Variants in RCCD1 observed in about 807,000 individuals in gnomAD.
RCCD1 encodes the protein RCC1 domain-containing protein 1.
A neutral mutation model predicts 37.6 loss-of-function variants in RCCD1; 40 were observed. That is an observed-to-expected ratio of 1.06 (90% CI 0.83 to 1.39). RCCD1 has a LOEUF of 1.39. RCCD1 is among the 40% of genes most tolerant of loss of function. RCCD1 has a pLI of 0.00. For missense variants in RCCD1, 577 were observed against 517.3 expected (o/e 1.12, Z -1.12); for synonymous variants, 263 against 230.0 (o/e 1.14, Z -1.30).
rs115486220 is a variant in RCCD1 at position 90,958,768 on chromosome 15, C to T, written c.679+1043C>T. Among the ~76,000 whole-genome samples the T allele has an allele frequency of 3.7e-3, 554 of 149,668 alleles. 4 individuals are homozygous for T. Among genetic ancestry groups the T allele is most frequent in the African/African-American group, 0.013 (515 of 40,714 alleles). On this transcript the variant is annotated intron_variant, in intron 4 of 7. Transcript: ENST00000394258. ...AACGTGGCAAAACCTCGTCTTTGTA[C>T]AAAAAATATAAAAATGAGCTGGGCG...
rs1867220 is a variant in RCCD1, at chr15:90,960,522, T to A, written c.949+24T>A. 5.7e-6 allele frequency: 9 copies of A among 1,592,568 alleles called. No individual in the cohort carries two copies. In the African/African-American group the frequency reaches 6.7e-5, roughly 12 times the overall value. On this transcript the variant is annotated intron_variant, in intron 6 of 7. Coordinates refer to ENST00000394258, the MANE Select transcript of RCCD1 (RefSeq NM_001017919.2). ...ACGTGAGTGGGGCTGGGAGGCACTC[T>A]GCTCCACTCGAGCTGGTGCCTACGG...
chr15:90,961,028 CA>C lies in RCCD1; in HGVS notation c.954del (p.Glu320SerfsTer31), dbSNP rs1567169783. ...GSRHTAVVTR[T>X]GELYTWGWGK... is the part of the protein sequence containing the mutation. ...TCGATTGTCCTTTTGCTTTCAGGAA[CA>C]GGGGAGCTCTACACCTGGGGCTGGG... On this transcript the variant is annotated frameshift_variant, in exon 7 of 8. Coordinates refer to ENST00000394258, the MANE Select transcript of RCCD1 (RefSeq NM_001017919.2). LOFTEE classifies it high-confidence loss of function. 1.9e-6 allele frequency: 3 copies of C among 1,613,648 alleles called. No individual in the cohort carries two copies. The highest frequency in any genetic ancestry group is 3.3e-5 in the Admixed American group (2 of 59,968).
chr15:90,957,111 A>T lies in RCCD1; in HGVS notation c.167-2A>T. ...GCCACCCTGCTCCAATCCGCCCCGCAGGTGGAGGCCGCTTGGAGCTGTCGG... is the reference window on the plus strand; with the variant it reads ...GCCACCCTGCTCCAATCCGCCCCGCTGGTGGAGGCCGCTTGGAGCTGTCGG... On this transcript the variant is annotated splice_acceptor_variant, in intron 2 of 7. Coordinates refer to ENST00000394258, the MANE Select transcript of RCCD1 (RefSeq NM_001017919.2). LOFTEE classifies it high-confidence loss of function. 9.0e-6 allele frequency: 12 copies of T among 1,340,004 alleles called. No homozygotes were observed. The highest frequency in any genetic ancestry group is 1.1e-5 in the Non-Finnish European group (12 of 1,051,008). 83.0% of individuals were successfully genotyped at this position (1,340,004 alleles called of 1,614,324 possible). A position where few individuals can be genotyped will look rare whatever the true frequency, so the allele number is the denominator to read the frequency against.
chr15:90,956,125 C>A (rs561714053), intron 1 of RCCD1, among the ~76,000 whole-genome samples: 2 of 152,300 alleles, frequency 1.3e-5, no homozygotes, highest in South Asian at 4.1e-4. Context: ...GGATTGGCTG[C>A]GGTCCCAAGG....
Position 90,962,314 on chromosome 15 carries a change from G to A in RCCD1, c.*545G>A, listed in dbSNP as rs2037331966. ...CATTTTTAATGCTATATGGTGTTCT[G>A]TTGTATGAATAATACCTCAAGTGAT... On this transcript the variant is annotated 3_prime_UTR_variant, in exon 8 of 8. Coordinates refer to ENST00000394258, the MANE Select transcript of RCCD1 (RefSeq NM_001017919.2). 6.6e-6 allele frequency: 1 copy of A among 152,358 alleles called. No individual in the cohort carries two copies. Among genetic ancestry groups the A allele is most frequent in the Non-Finnish European group, 1.5e-5 (1 of 68,180 alleles). The allele number at this position is 152,358 out of a possible 1,614,324, so 9.4% of individuals were successfully genotyped here. A position where few individuals can be genotyped will look rare whatever the true frequency, so the allele number is the denominator to read the frequency against.
At position 90,957,288 on chromosome 15, in the gene RCCD1, T is replaced by G; in HGVS notation, c.342T>G (p.Asn114Lys). 1 of 1,525,060 alleles carries G rather than the reference T, an allele frequency of 6.6e-7. No individual in the cohort carries two copies. The highest frequency in any genetic ancestry group is 8.8e-7 in the Non-Finnish European group (1 of 1,132,570). 94.5% of individuals were successfully genotyped at this position (1,525,060 alleles called of 1,614,324 possible). Residue 114 changes from asparagine (N) to lysine (K), a missense_variant, in exon 3 of 8, where the codon AAT becomes AAG. By Grantham distance (94) the Asn-to-Lys change is moderately conservative. Transcript: ENST00000394258. ...GTGGGGAGCCATTGTGGGCCCAGAA[T>G]GTGGTGCCCGAGGCCGAAGGGGAAG... Reference protein sequence around the residue: ...ALRGEPLWAQNVVPEAEGEDD... With the variant: ...ALRGEPLWAQKVVPEAEGEDD...
intron 4 of RCCD1, among the ~76,000 whole-genome samples, chr15:90,958,938 A>T (rs2037258741): frequency 1.7e-5 from 1 of 57,824 alleles, no homozygotes; most frequent in African/African-American, 3.2e-4. Context: ...TGTCTGTCTA[A>T]AAAAAAAAAA....
rs1428266974 is a variant in RCCD1 at position 90,956,672 on chromosome 15, T to TCGC, written c.-62_-60dup. On this transcript the variant is annotated 5_prime_UTR_variant, in exon 2 of 8. Coordinates refer to ENST00000394258, the MANE Select transcript of RCCD1 (RefSeq NM_001017919.2). ...TGCCAGTGTCCCACTAGCGGGCTCT[T>TCGC]CGCAAGAATCCCCCCGGGCCCGCCG... The TCGC allele has an allele frequency of 8.1e-7, 1 of 1,235,302 alleles. No homozygotes were observed. The highest frequency in any genetic ancestry group is 1.0e-6 in the Non-Finnish European group (1 of 988,094). The allele number at this position is 1,235,302 out of a possible 1,614,324, so 76.5% of individuals were successfully genotyped here. A position where few individuals can be genotyped will look rare whatever the true frequency, so the allele number is the denominator to read the frequency against.
Position 90,963,098 on chromosome 15 carries a change from AAAC to A in RCCD1, c.*1332_*1334del, listed in dbSNP as rs1418592777. Reference sequence around the variant, plus strand: ...GAACATAAAATTTATGTTCAATAAAAAACAAAAATTGTTTTTAACCATTTTAAG... The same window carrying A: ...GAACATAAAATTTATGTTCAATAAAAAAAAATTGTTTTTAACCATTTTAAG... On this transcript the variant is annotated 3_prime_UTR_variant, in exon 8 of 8. Coordinates refer to ENST00000394258, the MANE Select transcript of RCCD1 (RefSeq NM_001017919.2). The A allele has an allele frequency of 1.3e-5, 2 of 152,220 alleles. No homozygotes were observed. The highest frequency in any genetic ancestry group is 2.9e-5 in the Non-Finnish European group (2 of 68,054). The allele number at this position is 152,220 out of a possible 1,614,324, so 9.4% of individuals were successfully genotyped here. A position where few individuals can be genotyped will look rare whatever the true frequency, so the allele number is the denominator to read the frequency against.
rs951061152 is a variant in RCCD1 at position 90,961,312 on chromosome 15, C to A, written c.979+258C>A. 4.8e-5 allele frequency: 28 copies of A among 585,968 alleles called. No individual in the cohort carries two copies. The South Asian group carries it at 4.8e-4, about 10-fold the overall frequency. 36.3% of individuals were successfully genotyped at this position (585,968 alleles called of 1,614,324 possible). A position where few individuals can be genotyped will look rare whatever the true frequency, so the allele number is the denominator to read the frequency against. On this transcript the variant is annotated intron_variant, in intron 7 of 7. Transcript: ENST00000394258. Reference sequence around the variant, plus strand: ...AAGACTGTCTTAAGGGAGTATCCAACCAGCACTTACAAAGCAGCTTTTTGT... The same window carrying A: ...AAGACTGTCTTAAGGGAGTATCCAAACAGCACTTACAAAGCAGCTTTTTGT...
Position 90,956,654 on chromosome 15 carries a change from G to T in RCCD1, c.-81G>T. Reference sequence around the variant, plus strand: ...CCTGGAAGGCCAGAGACTTGCCAGTGTCCCACTAGCGGGCTCTTCGCAAGA... The same window carrying T: ...CCTGGAAGGCCAGAGACTTGCCAGTTTCCCACTAGCGGGCTCTTCGCAAGA... On this transcript the variant is annotated 5_prime_UTR_variant, in exon 2 of 8. Transcript: ENST00000394258. The T allele has an allele frequency of 8.4e-7, 1 of 1,194,256 alleles. No individual in the cohort carries two copies. The highest frequency in any genetic ancestry group is 1.1e-6 in the Non-Finnish European group (1 of 952,174). The allele number at this position is 1,194,256 out of a possible 1,614,324, so 74.0% of individuals were successfully genotyped here. A position where few individuals can be genotyped will look rare whatever the true frequency, so the allele number is the denominator to read the frequency against.
intron 4 of RCCD1, among the ~76,000 whole-genome samples, chr15:90,957,986 C>G (rs1050265591): frequency 6.6e-6 from 1 of 152,218 alleles, no homozygotes; most frequent in Non-Finnish European, 1.5e-5. Flanking sequence ...CCCACCTGCT[C>G]CCAGCCAGGA....
intron 4 of RCCD1, among the ~76,000 whole-genome samples, chr15:90,959,387 C>T (rs1045524446): frequency 1.1e-4 from 16 of 152,188 alleles, no homozygotes; most frequent in African/African-American, 2.7e-4. Flanking sequence ...GAGAGCTGCA[C>T]GTGGCTTTCA....
intron 2 of RCCD1, 57 bp from the exon 3 acceptor site, chr15:90,957,056 G>T (rs1005329196): frequency 7.8e-7 from 1 of 1,281,920 alleles, no homozygotes; most frequent in Non-Finnish European, 9.9e-7. Flanking sequence ...GGAACACCCC[G>T]CTCCCCCCAT....
At chr15:90,960,106 G>C (rs2037284024) in intron 5 of RCCD1, 108 bp downstream of exon 5, 1 of 1,025,736 alleles carries the variant, frequency 9.7e-7, no homozygotes, top group African/African-American at 1.6e-5. Context: ...TGGAGCATGT[G>C]AGCCCCTTAT....
Position 90,961,220 on chromosome 15 carries a change from C to A in RCCD1, c.979+166C>A. On this transcript the variant is annotated intron_variant, in intron 7 of 7. Coordinates refer to ENST00000394258, the MANE Select transcript of RCCD1 (RefSeq NM_001017919.2). ...CCTGGGGTTGGAACAGACATAGGCG[C>A]GCTCAGTCCGAGGCCAGACAGGGGA... The A allele has an allele frequency of 4.6e-6, 3 of 655,702 alleles. No individual in the cohort carries two copies. The East Asian group carries it at 8.1e-5, about 18-fold the overall frequency. The allele number at this position is 655,702 out of a possible 1,614,324, so 40.6% of individuals were successfully genotyped here.
rs1239614732 is a variant in RCCD1 at position 90,962,985 on chromosome 15, A to G, written c.*1216A>G. 5 of 152,196 alleles carry G rather than the reference A, an allele frequency of 3.3e-5. No homozygotes were observed. Among genetic ancestry groups the G allele is most frequent in the Admixed American group, 2.6e-4 (4 of 15,284 alleles). 9.4% of individuals were successfully genotyped at this position (152,196 alleles called of 1,614,324 possible). On this transcript the variant is annotated 3_prime_UTR_variant, in exon 8 of 8. Transcript: ENST00000394258. ...TAAGCTTATCAGTAGTTTTCTTTAT[A>G]GTTAAATTCTATTTGTGCATGTGTG...
intron 6 of RCCD1, 66 bp from the exon 7 acceptor site, chr15:90,960,959 C>G (rs1596255194): frequency 2.0e-6 from 3 of 1,515,384 alleles, no homozygotes; most frequent in East Asian, 4.5e-5. Flanking sequence ...CTGTGCCAAG[C>G]TGGGCTGGAC....
chr15:90,961,191 C>T, intron 7 of RCCD1, 137 bp downstream of exon 7: 3 of 817,270 alleles, frequency 3.7e-6, no homozygotes, highest in Non-Finnish European at 4.0e-6. Context: ...AGGACTGCTC[C>T]CTCCCTGGGG....
Sources: gnomAD v4.1 joint callset for allele counts (sites outside exome capture counted in the v4.1 genomes callset) on GRCh38, gnomAD v4.1.1 for gene constraint, MANE v1.5 for transcripts, NCBI Gene and HGNC (gene_info 2026-07-23, HGNC 2026-07-21) for gene names.